Variants in EML4 observed in about 807,000 individuals in gnomAD.
EML4 encodes EMAP like 4.
Under a neutral mutation model 129.0 loss-of-function variants are expected in EML4, and 72 were observed. The observed-to-expected ratio is 0.56, with a 90% CI of 0.46 to 0.68. EML4 has a LOEUF of 0.68. Ranked by LOEUF, EML4 falls within the 30% of genes least tolerant of loss-of-function variation. The pLI, the probability that EML4 is intolerant of heterozygous loss-of-function variation, is 0.00. For synonymous variants in EML4, 532 were observed against 405.0 expected, an observed-to-expected ratio of 1.31 and a Z score of -3.77; for missense variants, 1,363 against 1,190.6, an observed-to-expected ratio of 1.14 and a Z score of -2.13.
chr2:42,235,836 A>G (rs1026445821), intron 1 of EML4, among the ~76,000 whole-genome samples: 6 of 152,166 alleles, frequency 3.9e-5, no homozygotes, highest in African/African-American at 1.2e-4. Context: ...CAGGGTTCTT[A>G]GAAATACAAC....
intron 3 of EML4, 24 bp downstream of exon 3, chr2:42,256,654 A>T (rs1279283222): frequency 1.2e-6 from 2 of 1,612,760 alleles, no homozygotes; most frequent in African/African-American, 1.3e-5. Context: ...AAAGGGGGAA[A>T]AACTAACATT....
intron 11 of EML4, among the ~76,000 whole-genome samples, chr2:42,293,285 G>C (rs1354615976): frequency 6.6e-6 from 1 of 151,626 alleles, no homozygotes; most frequent in Non-Finnish European, 1.5e-5. Flanking sequence ...TTTACTTTTT[G>C]TAGAGACAGG....
At chr2:42,202,695 C>G (rs1672303366) in intron 1 of EML4, among the ~76,000 whole-genome samples, 2 of 152,152 alleles carry the variant, frequency 1.3e-5, no homozygotes, top group Admixed American at 1.3e-4. Context: ...TTTATTCTGG[C>G]TGTGCTGGCA....
chr2:42,244,690 A>G (rs1675270840), intron 1 of EML4, among the ~76,000 whole-genome samples: 1 of 152,206 alleles, frequency 6.6e-6, no homozygotes, highest in Non-Finnish European at 1.5e-5. Flanking sequence ...AGAGTATGAT[A>G]GTAAAAAGTA....
At chr2:42,247,035 A>T (rs1031150958) in intron 2 of EML4, among the ~76,000 whole-genome samples, 33 of 152,240 alleles carry the variant, frequency 2.2e-4, no homozygotes, top group African/African-American at 8.0e-4. Context: ...CGGTGGTAAT[A>T]GCTAGGAGAG....
intron 13 of EML4, among the ~76,000 whole-genome samples, chr2:42,300,862 T>C (rs1040163311): frequency 2.0e-4 from 30 of 152,154 alleles, no homozygotes; most frequent in Non-Finnish European, 4.0e-4. Context: ...CTCTTGTGTC[T>C]TGAGCTCTCA....
At chr2:42,287,172 G>C (rs1163331261) in intron 10 of EML4, among the ~76,000 whole-genome samples, 1 of 152,130 alleles carries the variant, frequency 6.6e-6, no homozygotes, top group Non-Finnish European at 1.5e-5. Flanking sequence ...AGTTTTGTGG[G>C]ACATGGAGGA....
At chr2:42,203,505 A>G (rs557202385) in intron 1 of EML4, among the ~76,000 whole-genome samples, 1 of 152,326 alleles carries the variant, frequency 6.6e-6, no homozygotes, top group East Asian at 1.9e-4. Flanking sequence ...CATGAACTTT[A>G]TATAGATTTT....
rs138798355 is a variant in EML4 at position 42,311,397 on chromosome 2, C to T, written c.1968-4565C>T. Among the ~76,000 whole-genome samples the T allele has an allele frequency of 4.5e-4, 69 of 152,210 alleles. 1 individual carries two copies. The highest frequency in any genetic ancestry group is 6.2e-4 in the Non-Finnish European group (42 of 67,996). On this transcript the variant is annotated intron_variant, in intron 17 of 22. Coordinates refer to ENST00000318522, the MANE Select transcript of EML4 (RefSeq NM_019063.5). ...GCAACATGGCAAAACCCCTCCTCTA[C>T]AAAAAATTAGCCAGGCGTGGTAGCA...
chr2:42,169,731 C>T (rs1670145320), intron 1 of EML4, 95 bp downstream of exon 1: 1 of 1,424,682 alleles, frequency 7.0e-7, no homozygotes, highest in Admixed American at 2.3e-5. Context: ...GCCTGCCCCT[C>T]GGGGTGGCAG....
chr2:42,312,752 A>C (rs1287788216), intron 17 of EML4, among the ~76,000 whole-genome samples: 2 of 150,510 alleles, frequency 1.3e-5, no homozygotes, highest in African/African-American at 2.4e-5. Flanking sequence ...ATGGGGTTTC[A>C]CCTTGTTAGC....
At chr2:42,310,812 T>C (rs1179593439) in intron 17 of EML4, among the ~76,000 whole-genome samples, 2 of 152,228 alleles carry the variant, frequency 1.3e-5, no homozygotes, top group Non-Finnish European at 2.9e-5. Context: ...TTTTAATTTG[T>C]AGAAAATCCC....
At chr2:42,266,073 G>A (rs12622719) in intron 6 of EML4, among the ~76,000 whole-genome samples, 73,578 of 151,784 alleles carry the variant, frequency 0.48, 18,327 homozygotes, top group East Asian at 0.74. Context: ...GTAACCAGCT[G>A]CAACGTGGTT....
At chr2:42,230,636 C>A (rs1010702917) in intron 1 of EML4, among the ~76,000 whole-genome samples, 2 of 152,104 alleles carry the variant, frequency 1.3e-5, no homozygotes, top group Non-Finnish European at 2.9e-5. Flanking sequence ...AAACTCCTGA[C>A]CTCAGGCGAT....
intron 2 of EML4, among the ~76,000 whole-genome samples, chr2:42,254,831 T>C (rs1321370978): frequency 6.6e-6 from 1 of 152,174 alleles, no homozygotes; most frequent in East Asian, 1.9e-4. Context: ...TGAAAAATTT[T>C]ACACAAATGT....
intron 2 of EML4, among the ~76,000 whole-genome samples, chr2:42,252,509 A>T (rs1358941228): frequency 6.6e-6 from 1 of 152,180 alleles, no homozygotes; most frequent in East Asian, 1.9e-4. Context: ...TCTGCTTTTC[A>T]GCTTAAAACC....
chr2:42,293,653 C>T (rs1388671230), intron 11 of EML4, among the ~76,000 whole-genome samples: 1 of 152,186 alleles, frequency 6.6e-6, no homozygotes, highest in Non-Finnish European at 1.5e-5. Flanking sequence ...ACTCTGTCAC[C>T]CAGGCTGGAG....
chr2:42,317,301 A>G, intron 18 of EML4, 126 bp from the exon 19 acceptor site: 1 of 628,296 alleles, frequency 1.6e-6, no homozygotes, highest in Non-Finnish European at 2.7e-6. Context: ...AGTGGATAGG[A>G]TTCATTCATT....
At chr2:42,301,722 G>A (rs959100682) in intron 14 of EML4, among the ~76,000 whole-genome samples, 1 of 151,622 alleles carries the variant, frequency 6.6e-6, no homozygotes, top group Non-Finnish European at 1.5e-5. Context: ...TCTACGTGTA[G>A]CATTCTTTCC....
Sources: gnomAD v4.1 joint callset for allele counts (sites outside exome capture counted in the v4.1 genomes callset) on GRCh38, gnomAD v4.1.1 for gene constraint, MANE v1.5 for transcripts, NCBI Gene and HGNC (gene_info 2026-07-23, HGNC 2026-07-21) for gene names.